MICAL1: variants seen among roughly 807,000 people sequenced by gnomAD.
MICAL1 encodes the protein [F-actin]-monooxygenase MICAL1.
MICAL1 carries 95 observed loss-of-function variants against 131.8 expected under a neutral mutation model. That is an observed-to-expected ratio of 0.72 (90% CI 0.61 to 0.86). MICAL1 has a LOEUF of 0.86. Ranked by LOEUF, MICAL1 falls within the 40% of genes least tolerant of loss-of-function variation. The pLI, the probability that MICAL1 is intolerant of heterozygous loss-of-function variation, is 0.00. For missense variants in MICAL1, 1,292 were observed against 1,380.6 expected (o/e 0.94, Z 1.02); for synonymous variants, 546 against 554.2 (o/e 0.99, Z 0.21).
upstream of MICAL1, chr6:109,456,092 C>G (rs1775737831): frequency 3.3e-6 from 3 of 921,728 alleles, no homozygotes; most frequent in African/African-American, 1.8e-5. Flanking sequence ...CTGAGGAGCT[C>G]GAGGGTCAGG....
At chr6:109,465,229 C>T (rs12209691) in intron 1 of MICAL1, 45,501 of 156,432 alleles carry the variant, frequency 0.29, 7,207 homozygotes, top group Middle Eastern at 0.41. Context: ...AGTTAAAATA[C>T]TGAGTTTATG....
chr6:109,454,298 G>C lies in MICAL1; in HGVS notation c.-43-59C>G. On this transcript the variant is annotated intron_variant, in intron 1 of 24. Transcript: ENST00000358807. The stretch of plus-strand genomic sequence containing the variant: ...GAGAACAGAAGAAATAAAAAGGAAG[G>C]GGAGGCGAAGAGAGCAGGCTGGTGT... 6 of 1,464,560 alleles carry C rather than the reference G, an allele frequency of 4.1e-6. No individual in the cohort carries two copies. The South Asian group carries it at 8.1e-5, about 20-fold the overall frequency. 90.7% of individuals were successfully genotyped at this position (1,464,560 alleles called of 1,614,324 possible). A position where few individuals can be genotyped will look rare whatever the true frequency, so the allele number is the denominator to read the frequency against.
exon 1 of MICAL1, chr6:109,465,936 T>A: frequency 1.9e-6 from 3 of 1,614,196 alleles, no homozygotes; most frequent in Non-Finnish European, 2.5e-6. Context: ...CAGCTGCAGG[T>A]GCTGAGCTGG....
chr6:109,447,464 G>A (rs1393025179), intron 15 of MICAL1, 24 bp from the exon 16 acceptor site: 51 of 1,604,032 alleles, frequency 3.2e-5, no homozygotes, highest in Non-Finnish European at 4.3e-5. Flanking sequence ...TGCTCAGGCA[G>A]GGAGGGTAGA....
chr6:109,453,715 A>C lies in MICAL1; in HGVS notation c.389T>G (p.Phe130Cys), dbSNP rs767568317. The change falls in exon 3 of 25, where the codon TTC (phenylalanine) becomes TGC (cysteine). Residue 130 changes from phenylalanine to cysteine, a missense_variant. Transcript: ENST00000358807. Reference protein sequence around the residue: ...SRHNVLHLWPFTIHDLRALGA... With the variant: ...SRHNVLHLWPCTIHDLRALGA... The stretch of plus-strand genomic sequence containing the variant: ...GAGTGCCCGCAGGTCGTGGATGGTG[A>C]AGGGCCAGAGGTGGAGCACGTTGTG... The C allele has an allele frequency of 6.2e-7, 1 of 1,613,914 alleles. No homozygotes were observed. The highest frequency in any genetic ancestry group is 8.5e-7 in the Non-Finnish European group (1 of 1,180,000).
intron 11 of MICAL1, 64 bp downstream of exon 11, chr6:109,449,336 G>A: frequency 6.5e-7 from 1 of 1,540,014 alleles, no homozygotes; most frequent in African/African-American, 1.4e-5. Flanking sequence ...GCTTTGCAGG[G>A]ACCACCTGGG....
upstream of MICAL1, among the ~76,000 whole-genome samples, chr6:109,458,189 C>A (rs1300039832): frequency 6.6e-6 from 1 of 151,648 alleles, no homozygotes; most frequent in African/African-American, 2.4e-5. Context: ...TAATTAGAAT[C>A]TTGAGTCATG....
In MICAL1 at chr6:109,446,404, G is replaced by C. The variant is rs771549531; in HGVS notation, c.2313C>G (p.Pro771=). 10 of 1,242,888 alleles carry C rather than the reference G, an allele frequency of 8.0e-6. No homozygotes were observed. The highest frequency in any genetic ancestry group is 1.1e-5 in the Non-Finnish European group (10 of 945,264). 77.0% of individuals were successfully genotyped at this position (1,242,888 alleles called of 1,614,324 possible). Reference sequence around the variant, plus strand: ...GTGGCATGCTATTCTCACTTGGTGTGGGGAGCTCCTGGAAAAGCCACCATG... The same window carrying C: ...GTGGCATGCTATTCTCACTTGGTGTCGGGAGCTCCTGGAAAAGCCACCATG... The part of the protein sequence containing the change: ...SDRGPESPEL[P]TPSENSMPPG... The change falls in exon 19 of 25, where the codon CCC becomes CCG. Residue 771 remains proline, a synonymous_variant. Coordinates refer to ENST00000358807, the MANE Select transcript of MICAL1 (RefSeq NM_022765.4).
chr6:109,449,698 G>T lies in MICAL1; in HGVS notation c.1393C>A (p.Arg465Ser), dbSNP rs370107041. The T allele has an allele frequency of 6.3e-7, 1 of 1,588,636 alleles. No homozygotes were observed. The highest frequency in any genetic ancestry group is 8.6e-7 in the Non-Finnish European group (1 of 1,168,120). ...GCCCGGAGGTTCAGGTTGGGGTAGC[G>T]GGTGGCTGGGTCCAGCCCATACTGG... is the stretch of plus-strand genomic sequence containing the variant. ...VAQYGLDPATRYPNLNLRAVT... is the reference protein window; with the variant it reads ...VAQYGLDPATSYPNLNLRAVT... The change falls in exon 10 of 25, where the codon CGC becomes AGC. Residue 465 changes from arginine (R) to serine (S), a missense_variant. Transcript: ENST00000358807.
intron 11 of MICAL1, 197 bp downstream of exon 11, chr6:109,449,203 C>G (rs1452633014): frequency 1.4e-6 from 1 of 725,300 alleles, no homozygotes; most frequent in Non-Finnish European, 2.5e-6. Flanking sequence ...CGCTTACATT[C>G]AGACTGGCAG....
chr6:109,456,463 A>G (rs1247584505), upstream of MICAL1, among the ~76,000 whole-genome samples: 3 of 148,010 alleles, frequency 2.0e-5, no homozygotes, highest in Non-Finnish European at 4.4e-5. Context: ...CTGGAAACTC[A>G]GCAATCTGCA....
At chr6:109,444,447 T>C in intron 24 of MICAL1, 108 bp from the exon 25 acceptor site, 1 of 1,492,810 alleles carries the variant, frequency 6.7e-7, no homozygotes, top group Non-Finnish European at 9.1e-7. Flanking sequence ...CTTTGTTTCC[T>C]AAGCTGCCAA....
intron 7 of MICAL1, 65 bp downstream of exon 7, chr6:109,451,535 C>G: frequency 6.3e-7 from 1 of 1,596,420 alleles, no homozygotes; most frequent in Non-Finnish European, 8.5e-7. Flanking sequence ...TCGACTATGT[C>G]CAAGCCTAGC....
At chr6:109,446,441 C>T (rs75070108) in intron 18 of MICAL1, 29 bp from the exon 19 acceptor site, 87,044 of 750,140 alleles carry the variant, frequency 0.12, 2,700 homozygotes, top group African/African-American at 0.2. Context: ...GGAGTGAGGT[C>T]GGGGGGTGAG....
Position 109,446,235 on chromosome 6 carries a change from C to G in MICAL1, c.2482G>C (p.Glu828Gln). 6.2e-7 allele frequency: 1 copy of G among 1,607,228 alleles called. No individual in the cohort carries two copies. Among genetic ancestry groups the G allele is most frequent in the Non-Finnish European group, 8.5e-7 (1 of 1,177,268 alleles). The change falls in exon 19 of 25, where the codon GAG (glutamate) becomes CAG (glutamine). Residue 828 changes from glutamate (E) to glutamine (Q), a missense_variant. By Grantham distance (29) the Glu-to-Gln change is conservative (BLOSUM62 2). Coordinates refer to ENST00000358807, the MANE Select transcript of MICAL1 (RefSeq NM_022765.4). ...CTGCGGGGAGGCTTGGGTGGAGGCTCCATTTCCGGGTCAGGGGTAAGGTTA... is the reference window on the plus strand; with the variant it reads ...CTGCGGGGAGGCTTGGGTGGAGGCTGCATTTCCGGGTCAGGGGTAAGGTTA... ...SLNLTPDPEM[E>Q]PPPKPPRSCS...
At chr6:109,451,727 G>C (rs767284787) in intron 6 of MICAL1, 27 bp from the exon 7 acceptor site, 7 of 1,612,480 alleles carry the variant, frequency 4.3e-6, no homozygotes, top group Non-Finnish European at 5.9e-6. Flanking sequence ...GGGGACAGTA[G>C]ATATGTCTCC....
rs1471523513 is a variant in MICAL1, at chr6:109,454,023, C to A, written c.174G>T (p.Trp58Cys). 6.2e-7 allele frequency: 1 copy of A among 1,614,154 alleles called. No individual in the cohort carries two copies. The highest frequency in any genetic ancestry group is 1.7e-5 in the Admixed American group (1 of 60,036). Reference sequence around the variant, plus strand: ...GCTTGGTCCACAGTGACTTGGCGCTCCAGTAGTTGAGCTGGTCCTTGATCT... The same window carrying A: ...GCTTGGTCCACAGTGACTTGGCGCTACAGTAGTTGAGCTGGTCCTTGATCT... ...YHKIKDQLNYWSAKSLWTKLD... is the reference protein window; with the variant it reads ...YHKIKDQLNYCSAKSLWTKLD... The change falls in exon 2 of 25, where the codon TGG (tryptophan) becomes TGT (cysteine). Residue 58 changes from tryptophan (W) to cysteine (C), a missense_variant. Physicochemically the swap from Trp to Cys is radical, Grantham distance 215. Transcript: ENST00000358807.
At chr6:109,446,548 G>C (rs981410637) in intron 18 of MICAL1, 136 bp from the exon 19 acceptor site, 15 of 1,373,194 alleles carry the variant, frequency 1.1e-5, no homozygotes, top group Middle Eastern at 3.6e-4. Flanking sequence ...GAGAGAACAA[G>C]AAGTGTAAGC....
In MICAL1 at chr6:109,444,762, C is replaced by G; in HGVS notation, c.3018G>C (p.Gln1006His). Residue 1006 changes from glutamine to histidine, a missense_variant, in exon 24 of 25, where the codon CAG becomes CAC. Gln to His is a conservative substitution (Grantham distance 24). Transcript: ENST00000358807. Reference sequence around the variant, plus strand: ...TGTAGCCTCGTAGCTCCTGGTCCAGCTGCCACTGTTTCTCCTCCAGATTCA... The same window carrying G: ...TGTAGCCTCGTAGCTCCTGGTCCAGGTGCCACTGTTTCTCCTCCAGATTCA... ...QELNLEEKQWQLDQELRGYMN... is the reference protein window; with the variant it reads ...QELNLEEKQWHLDQELRGYMN... The G allele has an allele frequency of 1.9e-6, 3 of 1,614,162 alleles. No homozygotes were observed. Among genetic ancestry groups the G allele is most frequent in the Non-Finnish European group, 2.5e-6 (3 of 1,180,038 alleles).
Sources: gnomAD v4.1 joint callset for allele counts (sites outside exome capture counted in the v4.1 genomes callset) on GRCh38, gnomAD v4.1.1 for gene constraint, MANE v1.5 for transcripts, NCBI Gene and HGNC (gene_info 2026-07-23, HGNC 2026-07-21) for gene names.